CCDC73: variants seen among roughly 807,000 people sequenced by gnomAD.
CCDC73 encodes the protein coiled-coil domain-containing protein 73.
In CCDC73, 95 loss-of-function variants were observed where a neutral mutation model predicts 116.5. The ratio of observed to expected loss-of-function variants is 0.82; its 90% confidence interval spans 0.69 to 0.97. The LOEUF (loss-of-function observed/expected upper bound fraction) is 0.97. Among genes scored for constraint, CCDC73 ranks in the 50% least tolerant of loss-of-function variants. CCDC73 has a pLI of 0.00. For missense variants in CCDC73, 1,066 were observed against 1,206.8 expected (o/e 0.88, Z 1.73); for synonymous variants, 398 against 401.3 (o/e 0.99, Z 0.10).
intron 3 of CCDC73, among the ~76,000 whole-genome samples, chr11:32,716,771 C>T (rs529762292): frequency 1.3e-5 from 2 of 152,140 alleles, no homozygotes; most frequent in Non-Finnish European, 2.9e-5. Flanking sequence ...CTATGTTGCC[C>T]AGGCTGGTCT....
At chr11:32,613,388 T>C in intron 16 of CCDC73, 34 bp downstream of exon 16, 1 of 1,514,674 alleles carries the variant, frequency 6.6e-7, no homozygotes, top group East Asian at 2.3e-5. Context: ...TAGAAAAATA[T>C]TTTGAGAATT....
chr11:32,635,741 G>T lies in CCDC73; in HGVS notation c.1140C>A (p.Asn380Lys). ...ETHIKLQEHY[N>K]KLCNQKTFEE... Reference sequence around the variant, plus strand: ...CAAATGTTTTTTGATTGCATAATTTGTTATAATGTTCTTGTAACTTAATAT... The same window carrying T: ...CAAATGTTTTTTGATTGCATAATTTTTTATAATGTTCTTGTAACTTAATAT... Residue 380 changes from asparagine to lysine, a missense_variant, in exon 14 of 18, where the codon AAC becomes AAA. By Grantham distance (94) the Asn-to-Lys change is moderately conservative. Coordinates refer to ENST00000335185, the MANE Select transcript of CCDC73 (RefSeq NM_001008391.4). The T allele has an allele frequency of 7.7e-7, 1 of 1,301,402 alleles. No individual in the cohort carries two copies. Among genetic ancestry groups the T allele is most frequent in the Non-Finnish European group, 9.9e-7 (1 of 1,005,828 alleles). 80.6% of individuals were successfully genotyped at this position (1,301,402 alleles called of 1,614,324 possible). A position where few individuals can be genotyped will look rare whatever the true frequency, so the allele number is the denominator to read the frequency against.
intron 2 of CCDC73, among the ~76,000 whole-genome samples, chr11:32,742,204 T>C (rs1014557806): frequency 6.6e-6 from 1 of 152,232 alleles, no homozygotes; most frequent in Admixed American, 6.5e-5. Context: ...AAATGGTATT[T>C]CTAGTTCTAG....
the CCDC73 span, among the ~76,000 whole-genome samples, chr11:32,804,132 T>C: frequency 1.3e-5 from 2 of 151,836 alleles, no homozygotes; most frequent in East Asian, 1.9e-4. Flanking sequence ...TCTTGTCAAA[T>C]TGAAAACATC....
chr11:32,759,838 C>A (rs1216934853), intron 2 of CCDC73, among the ~76,000 whole-genome samples: 1 of 152,148 alleles, frequency 6.6e-6, no homozygotes, highest in Non-Finnish European at 1.5e-5. Context: ...GCTATCTGTG[C>A]ACTCCCAGGG....
At chr11:32,710,319 T>A (rs1186205055) in intron 3 of CCDC73, among the ~76,000 whole-genome samples, 1 of 152,218 alleles carries the variant, frequency 6.6e-6, no homozygotes, top group Non-Finnish European at 1.5e-5. Flanking sequence ...TACAGGCATT[T>A]AATGCTATGA....
At chr11:32,624,359 A>T (rs509396) in intron 14 of CCDC73, among the ~76,000 whole-genome samples, 3 of 151,366 alleles carry the variant, frequency 2.0e-5, no homozygotes, top group Non-Finnish European at 4.4e-5. Context: ...AAAATAAATA[A>T]ATAAATAAAT....
chr11:32,807,288 T>C, the CCDC73 span, among the ~76,000 whole-genome samples: 3 of 152,236 alleles, frequency 2.0e-5, no homozygotes, highest in African/African-American at 7.2e-5. Context: ...AGTGGTATAC[T>C]GAATTGATCA....
chr11:32,786,993 C>A (rs1217101892), intron 1 of CCDC73, among the ~76,000 whole-genome samples: 1 of 152,086 alleles, frequency 6.6e-6, no homozygotes, highest in Non-Finnish European at 1.5e-5. Flanking sequence ...ATAAATGAGC[C>A]TGTAAGATTT....
the CCDC73 span, among the ~76,000 whole-genome samples, chr11:32,809,422 G>A: frequency 6.6e-6 from 1 of 152,194 alleles, no homozygotes; most frequent in Non-Finnish European, 1.5e-5. Flanking sequence ...AGGGGGCGGA[G>A]AGGGGTCACA....
chr11:32,775,946 A>C (rs774555097), intron 1 of CCDC73, among the ~76,000 whole-genome samples: 2 of 152,124 alleles, frequency 1.3e-5, no homozygotes, highest in Non-Finnish European at 2.9e-5. Context: ...CTTCTCTCTC[A>C]AATCTTTTTA....
At chr11:32,761,978 TGAG>T (rs1850396187) in intron 1 of CCDC73, among the ~76,000 whole-genome samples, 1 of 152,222 alleles carries the variant, frequency 6.6e-6, no homozygotes, top group South Asian at 2.1e-4. Context: ...ACTGATTGGA[TGAG>T]GCCCACCCAC....
chr11:32,808,456 T>C, the CCDC73 span, among the ~76,000 whole-genome samples: 1 of 152,134 alleles, frequency 6.6e-6, no homozygotes, highest in Non-Finnish European at 1.5e-5. Flanking sequence ...CTGGCCAACA[T>C]GGTGAAACCC....
chr11:32,734,850 C>A (rs908041155), intron 2 of CCDC73, among the ~76,000 whole-genome samples: 6 of 152,142 alleles, frequency 3.9e-5, no homozygotes, highest in African/African-American at 7.2e-5. Flanking sequence ...CCCTGGGATG[C>A]AAGGCTGGTT....
At chr11:32,745,861 G>A (rs1054654444) in intron 2 of CCDC73, among the ~76,000 whole-genome samples, 3 of 151,362 alleles carry the variant, frequency 2.0e-5, no homozygotes, top group African/African-American at 7.3e-5. Flanking sequence ...CACACTGATG[G>A]GTCTTGACTC....
At chr11:32,730,924 G>A (rs1850071294) in intron 2 of CCDC73, among the ~76,000 whole-genome samples, 1 of 152,192 alleles carries the variant, frequency 6.6e-6, no homozygotes, top group African/African-American at 2.4e-5. Flanking sequence ...CGGACAGTAA[G>A]TGCAGGGCAG....
intron 7 of CCDC73, among the ~76,000 whole-genome samples, chr11:32,676,400 A>G (rs1216237114): frequency 6.6e-6 from 1 of 152,226 alleles, no homozygotes; most frequent in Admixed American, 6.5e-5. Flanking sequence ...TCATTTGAAT[A>G]ATCAGGACCT....
At chr11:32,747,912 G>A (rs901512790) in intron 2 of CCDC73, among the ~76,000 whole-genome samples, 2 of 152,138 alleles carry the variant, frequency 1.3e-5, no homozygotes, top group South Asian at 2.1e-4. Flanking sequence ...TGGGTGAGGC[G>A]ACACCCCGCT....
chr11:32,666,660 G>A (rs61889430), intron 9 of CCDC73, among the ~76,000 whole-genome samples: 7,939 of 152,246 alleles, frequency 0.052, 366 homozygotes, highest in Non-Finnish European at 0.076. Context: ...CTCTCAACCC[G>A]TCAAAGTCAT....
Sources: gnomAD v4.1 joint callset for allele counts (sites outside exome capture counted in the v4.1 genomes callset) on GRCh38, gnomAD v4.1.1 for gene constraint, MANE v1.5 for transcripts, NCBI Gene and HGNC (gene_info 2026-07-23, HGNC 2026-07-21) for gene names.